Variants in CCDC38 observed in about 807,000 individuals in gnomAD.
CCDC38 encodes coiled-coil domain containing 38.
In CCDC38, 69 loss-of-function variants were observed where a neutral mutation model predicts 72.8. The observed-to-expected ratio is 0.95, with a 90% CI of 0.78 to 1.16. The LOEUF (loss-of-function observed/expected upper bound fraction) is 1.16. CCDC38 is among the 50% of genes most tolerant of loss of function. The pLI is 0.00. For missense variants in CCDC38, 626 were observed against 638.9 expected, an observed-to-expected ratio of 0.98 and a Z score of 0.22; for synonymous variants, 201 against 213.2, an observed-to-expected ratio of 0.94 and a Z score of 0.50.
chr12:95,909,157 G>T (rs976647916), intron 4 of CCDC38, among the ~76,000 whole-genome samples: 1 of 151,992 alleles, frequency 6.6e-6, no homozygotes, highest in African/African-American at 2.4e-5. Context: ...CCACTAGCTA[G>T]ATTAACAAAG....
chr12:95,898,750 G>C lies in CCDC38; in HGVS notation c.370-19C>G. The C allele has an allele frequency of 1.2e-6, 2 of 1,606,844 alleles. No homozygotes were observed. The highest frequency in any genetic ancestry group is 1.7e-6 in the Non-Finnish European group (2 of 1,177,912). On this transcript the variant is annotated intron_variant, in intron 5 of 15. Transcript: ENST00000344280. ...AAGCATACTAGGGGCATTGAAGACA[G>C]AGGTGTAAAAACATGATTCCACATT... is the stretch of plus-strand genomic sequence containing the variant.
intron 10 of CCDC38, among the ~76,000 whole-genome samples, chr12:95,883,952 A>C (rs1183380085): frequency 6.6e-6 from 1 of 152,218 alleles, no homozygotes; most frequent in Non-Finnish European, 1.5e-5. Flanking sequence ...AACTTGATAG[A>C]GTATGCACAT....
chr12:95,926,807 G>A (rs913074982), intron 2 of CCDC38, among the ~76,000 whole-genome samples: 1 of 151,462 alleles, frequency 6.6e-6, no homozygotes, highest in African/African-American at 2.4e-5. Context: ...GTACCCAGTA[G>A]TCATTCAGGA....
rs764081481 is a variant in CCDC38, at chr12:95,872,389, A to G, written c.1350T>C (p.Asp450=). 1.5e-5 allele frequency: 25 copies of G among 1,614,028 alleles called. No individual in the cohort carries two copies. The Admixed American group carries it at 2.3e-4, about 15-fold the overall frequency. The change falls in exon 14 of 16, where the codon GAT becomes GAC. Residue 450 remains aspartate (D), a synonymous_variant. Transcript: ENST00000344280. ...GCTTTTGAATTGGGTTGAGGCCGTC[A>G]TCCTCAGCATCTCCAATGCAGACTT... ...VYKVCIGDAE[D]DGLNPIQKLV...
chr12:95,888,603 G>T (rs1015466475), intron 9 of CCDC38, 97 bp from the exon 10 acceptor site: 19 of 1,100,716 alleles, frequency 1.7e-5, no homozygotes, highest in Non-Finnish European at 2.4e-5. Context: ...TTGGTGCAAG[G>T]TATTCATTTT....
chr12:95,890,877 T>TCCTC lies in CCDC38; in HGVS notation c.822_825dup (p.Thr276GlufsTer36), dbSNP rs770705010. 6.2e-7 allele frequency: 1 copy of TCCTC among 1,607,808 alleles called. No individual in the cohort carries two copies. Among genetic ancestry groups the TCCTC allele is most frequent in the Non-Finnish European group, 8.5e-7 (1 of 1,175,928 alleles). Reference sequence around the variant, plus strand: ...GAAGCATCTTCTGAAAGGACAGCTGTCCTCCCGGACTCCTCAAGGATGCCT... The same window carrying TCCTC: ...GAAGCATCTTCTGAAAGGACAGCTGTCCTCCCTCCCGGACTCCTCAAGGATGCCT... On this transcript the variant is annotated frameshift_variant, in exon 9 of 16. Coordinates refer to ENST00000344280, the MANE Select transcript of CCDC38 (RefSeq NM_182496.3). LOFTEE classifies it high-confidence loss of function.
chr12:95,903,806 T>C (rs910205407), intron 5 of CCDC38: 3 of 211,294 alleles, frequency 1.4e-5, no homozygotes, highest in African/African-American at 4.6e-5. Context: ...TTCAGAATGT[T>C]TGCATATTTG....
Position 95,917,215 on chromosome 12 carries a change from C to G in CCDC38, c.218G>C (p.Ser73Thr). ...SSRMKSHSYL[S>T]QLAFYPKRSG... is the part of the protein sequence containing the mutation. The stretch of plus-strand genomic sequence containing the variant: ...CCTTTTAGGGTAGAAAGCTAGTTGG[C>G]TCAGGTATGAATGACTCTTCATTCT... Residue 73 changes from serine (S) to threonine (T), a missense_variant, in exon 4 of 16, where the codon AGC becomes ACC. Coordinates refer to ENST00000344280, the MANE Select transcript of CCDC38 (RefSeq NM_182496.3). The G allele has an allele frequency of 6.2e-7, 1 of 1,610,836 alleles. No individual in the cohort carries two copies. The highest frequency in any genetic ancestry group is 8.5e-7 in the Non-Finnish European group (1 of 1,179,428).
intron 2 of CCDC38, chr12:95,933,316 A>T (rs1453440585): frequency 6.6e-6 from 1 of 152,236 alleles, no homozygotes; most frequent in Non-Finnish European, 1.5e-5. Context: ...GATATACCAC[A>T]TCTACAAAAC....
intron 2 of CCDC38, among the ~76,000 whole-genome samples, chr12:95,930,824 A>T (rs1565968984): frequency 6.6e-6 from 1 of 152,024 alleles, no homozygotes; most frequent in Non-Finnish European, 1.5e-5. Context: ...CCAATACTCC[A>T]TTTTAGCAAT....
chr12:95,922,389 T>C (rs902313834), intron 2 of CCDC38, among the ~76,000 whole-genome samples: 14 of 152,182 alleles, frequency 9.2e-5, no homozygotes, highest in African/African-American at 3.4e-4. Flanking sequence ...CAGTGCCACA[T>C]GGGAATTGCA....
In CCDC38 at chr12:95,873,759, G is replaced by C. The variant is rs143280693; in HGVS notation, c.1279-1299C>G. Among the ~76,000 whole-genome samples, 43 of 152,288 alleles carry C rather than the reference G, an allele frequency of 2.8e-4. 1 individual carries two copies. In the East Asian group the frequency reaches 7.1e-3, roughly 25 times the overall value. On this transcript the variant is annotated intron_variant, in intron 13 of 15. Transcript: ENST00000344280. ...GAGAGAGGTGGCTCCTGGAGCCATG[G>C]GAAGCCCCTCCTGGAACCACAAACA...
At chr12:95,932,412 G>A (rs780681017) in intron 2 of CCDC38, among the ~76,000 whole-genome samples, 4 of 151,130 alleles carry the variant, frequency 2.6e-5, no homozygotes, top group African/African-American at 7.3e-5. Flanking sequence ...TCATTTTTTG[G>A]TGTTGTTTCT....
chr12:95,885,792 CAAT>C (rs59948741), intron 10 of CCDC38: 27,591 of 152,026 alleles, frequency 0.18, 2,685 homozygotes, highest in African/African-American at 0.25. Context: ...GTCACTGCAT[CAAT>C]AATGCCTATG....
chr12:95,879,576 T>G lies in CCDC38; in HGVS notation c.1142+68A>C. 9.4e-5 allele frequency: 104 copies of G among 1,101,218 alleles called. No individual in the cohort carries two copies. The highest frequency in any genetic ancestry group is 1.3e-4 in the Non-Finnish European group (100 of 761,210). 68.2% of individuals were successfully genotyped at this position (1,101,218 alleles called of 1,614,324 possible). ...ACCACGAGGAAGAGCCACATGTGAG[T>G]GAGTTGGACCCAGGCTCTGGTTAGA... On this transcript the variant is annotated intron_variant, in intron 12 of 15. Coordinates refer to ENST00000344280, the MANE Select transcript of CCDC38 (RefSeq NM_182496.3). This position sits in a 1 kb window ranked among gnomAD's most constrained non-coding sequence, Gnocchi z 5.5.
At chr12:95,931,435 G>A (rs192410963) in intron 2 of CCDC38, among the ~76,000 whole-genome samples, 299 of 152,290 alleles carry the variant, frequency 2.0e-3, no homozygotes, top group Non-Finnish European at 3.6e-3. Context: ...CGTATTTACA[G>A]GTTCCAGGGA....
intron 10 of CCDC38, among the ~76,000 whole-genome samples, chr12:95,881,987 G>C (rs2079705720): frequency 6.6e-6 from 1 of 152,184 alleles, no homozygotes; most frequent in Non-Finnish European, 1.5e-5. Context: ...CCCCAAGTAA[G>C]GCAATGCTTC....
intron 13 of CCDC38, among the ~76,000 whole-genome samples, chr12:95,874,375 C>A (rs557102118): frequency 1.3e-5 from 2 of 152,236 alleles, no homozygotes; most frequent in South Asian, 4.2e-4. Flanking sequence ...TGGCTTTTTA[C>A]GATGTCTTTT....
intron 7 of CCDC38, among the ~76,000 whole-genome samples, chr12:95,895,617 G>T (rs565474150): frequency 1.3e-5 from 2 of 151,978 alleles, no homozygotes; most frequent in African/African-American, 4.8e-5. Flanking sequence ...GCCAGGTATG[G>T]TGGTGGGCGC....
Sources: allele counts gnomAD v4.1 joint callset (sites outside exome capture counted in the v4.1 genomes callset), GRCh38; gene constraint gnomAD v4.1.1; non-coding constraint Gnocchi (gnomAD v3.1); transcripts MANE v1.5; gene names NCBI Gene and HGNC (gene_info 2026-07-23, HGNC 2026-07-21).